Variants in RGS6 observed in about 807,000 individuals in gnomAD.
RGS6 encodes the protein regulator of G protein signaling 6, also known as regulator of G-protein signaling 6.
RGS6 carries 30 observed loss-of-function variants against 78.5 expected under a neutral mutation model. The ratio of observed to expected loss-of-function variants is 0.38; its 90% confidence interval spans 0.29 to 0.52. RGS6 has a LOEUF of 0.52. Ranked by LOEUF, RGS6 falls within the 20% of genes least tolerant of loss-of-function variation. The pLI is 0.85. For missense variants in RGS6, 495 were observed against 609.7 expected (o/e 0.81, Z 1.98); for synonymous variants, 206 against 206.0 (o/e 1.00, Z 0.00).
intron 2 of RGS6, chr14:71,990,465 T>C (rs2094907083): frequency 2.6e-6 from 1 of 378,016 alleles, no homozygotes. Context: ...CTTTGGGACA[T>C]GGGAATATGT....
At position 71,982,066 on chromosome 14, in the gene RGS6, C is replaced by T. The variant is rs564130002; in HGVS notation, c.84+17191C>T. Among the ~76,000 whole-genome samples the T allele has an allele frequency of 1.6e-3, 251 of 152,382 alleles. 1 individual carries two copies. Among genetic ancestry groups the T allele is most frequent in the South Asian group, 7.2e-3 (35 of 4,830 alleles). On this transcript the variant is annotated intron_variant, in intron 2 of 17. Coordinates refer to ENST00000553525, the MANE Select transcript of RGS6 (RefSeq NM_001204424.2). Reference sequence around the variant, plus strand: ...CCGATTTTCCAGGTGCCCTCCGTCACCCCTTTCTTTGACTAGGAAAGGGAA... The same window carrying T: ...CCGATTTTCCAGGTGCCCTCCGTCATCCCTTTCTTTGACTAGGAAAGGGAA...
chr14:71,995,852 T>C (rs113706720), intron 2 of RGS6, among the ~76,000 whole-genome samples: 8 of 152,176 alleles, frequency 5.3e-5, no homozygotes, highest in African/African-American at 1.9e-4. Flanking sequence ...TTTATACACA[T>C]AGATTCAGGG....
At chr14:72,171,161 C>T (rs971206765) in intron 2 of RGS6, among the ~76,000 whole-genome samples, 4 of 151,676 alleles carry the variant, frequency 2.6e-5, no homozygotes, top group Admixed American at 2.6e-4. Context: ...CATACATGCA[C>T]ACGTGCTGAG....
intron 3 of RGS6, among the ~76,000 whole-genome samples, chr14:72,448,064 T>C (rs75729730): frequency 0.021 from 3,264 of 152,228 alleles, 111 homozygotes; most frequent in African/African-American, 0.074. Flanking sequence ...GAACCAGGCA[T>C]TGTGAAGAGA....
chr14:72,453,657 A>G (rs1301183003), intron 3 of RGS6, among the ~76,000 whole-genome samples: 1 of 148,026 alleles, frequency 6.8e-6, no homozygotes, highest in East Asian at 2.0e-4. Context: ...TCAGACTCTT[A>G]AGATTTATAT....
At chr14:72,100,104 AAG>A (rs1409889294) in intron 2 of RGS6, among the ~76,000 whole-genome samples, 2 of 152,078 alleles carry the variant, frequency 1.3e-5, no homozygotes, top group East Asian at 1.9e-4. Context: ...AGGGACGGTG[AAG>A]AGAGGGGTAG....
At chr14:72,236,778 C>T (rs1173186238) in intron 2 of RGS6, among the ~76,000 whole-genome samples, 1 of 152,054 alleles carries the variant, frequency 6.6e-6, no homozygotes, top group Non-Finnish European at 1.5e-5. Flanking sequence ...AGAGGCACTC[C>T]TCACTTCCCA....
the RGS6 span, among the ~76,000 whole-genome samples, chr14:71,888,835 A>AT: frequency 1.3e-5 from 2 of 152,212 alleles, no homozygotes; most frequent in African/African-American, 2.4e-5. Flanking sequence ...GGAGCTAAAA[A>AT]ATATATCCTT....
the RGS6 span, among the ~76,000 whole-genome samples, chr14:72,610,543 T>C: frequency 6.6e-6 from 1 of 152,210 alleles, no homozygotes; most frequent in Non-Finnish European, 1.5e-5. Flanking sequence ...GTCAGAGAAA[T>C]TGAGCTTACA....
At chr14:72,314,325 T>G (rs2069466363) in intron 2 of RGS6, among the ~76,000 whole-genome samples, 2 of 152,194 alleles carry the variant, frequency 1.3e-5, no homozygotes, top group Non-Finnish European at 2.9e-5. Context: ...AGATGGCTGC[T>G]GTGGGTCCAG....
upstream of RGS6, among the ~76,000 whole-genome samples, chr14:71,931,065 C>T (rs1453288429): frequency 6.9e-6 from 1 of 145,500 alleles, no homozygotes; most frequent in Non-Finnish European, 1.5e-5. Flanking sequence ...CCTTTCGCTC[C>T]ATGTACAGCC....
chr14:72,113,903 G>A (rs2095829667), intron 2 of RGS6, among the ~76,000 whole-genome samples: 2 of 152,268 alleles, frequency 1.3e-5, no homozygotes, highest in Middle Eastern at 3.4e-3. Flanking sequence ...AAGAACTGGG[G>A]ACAATAATGC....
chr14:72,227,652 G>A lies in RGS6; in HGVS notation c.85-124443G>A, dbSNP rs985159436. On this transcript the variant is annotated intron_variant, in intron 2 of 17. Transcript: ENST00000553525. Reference sequence around the variant, plus strand: ...TTTTAAAGAAGGGAGCATTTTAGTTGGTATGTTCTTGTTTAGCATATTTTA... The same window carrying A: ...TTTTAAAGAAGGGAGCATTTTAGTTAGTATGTTCTTGTTTAGCATATTTTA... Among the ~76,000 whole-genome samples the A allele has an allele frequency of 5.9e-5, 9 of 152,110 alleles. No individual in the cohort carries two copies. The East Asian group carries it at 1.7e-3, about 29-fold the overall frequency.
At chr14:72,224,301 T>C (rs544768198) in intron 2 of RGS6, among the ~76,000 whole-genome samples, 3 of 151,940 alleles carry the variant, frequency 2.0e-5, no homozygotes, top group Non-Finnish European at 2.9e-5. Flanking sequence ...GCACCCAGTC[T>C]CAGCTACTCA....
At chr14:71,974,059 T>C in intron 2 of RGS6, among the ~76,000 whole-genome samples, 1 of 152,174 alleles carries the variant, frequency 6.6e-6, no homozygotes, top group East Asian at 1.9e-4. Context: ...TTTCTCCCCC[T>C]CATTTCATTT....
rs571454379 is a variant in RGS6 at position 72,502,939 on chromosome 14, C to T, written c.966-7215C>T. Among the ~76,000 whole-genome samples the T allele has an allele frequency of 2.4e-4, 37 of 152,246 alleles. No individual in the cohort carries two copies. In the East Asian group the frequency reaches 3.5e-3, roughly 14 times the overall value. On this transcript the variant is annotated intron_variant, in intron 13 of 17. Transcript: ENST00000553525. ...TTCTTTTTAAGGAATTGCCTTATTT[C>T]GTAATTTTTCTAATAACTTGTCTTA...
chr14:72,081,851 C>A (rs959149158), intron 2 of RGS6, among the ~76,000 whole-genome samples: 4 of 151,962 alleles, frequency 2.6e-5, no homozygotes, highest in South Asian at 2.1e-4. Context: ...TACTTCTTCT[C>A]GTAATTTTTT....
At chr14:72,550,681 C>A in intron 17 of RGS6, 2 of 1,457,290 alleles carry the variant, frequency 1.4e-6, no homozygotes, top group South Asian at 1.4e-5. Flanking sequence ...CAATCACTAG[C>A]CTTTGTGAGT....
upstream of RGS6, among the ~76,000 whole-genome samples, chr14:71,928,934 A>G (rs978154578): frequency 1.3e-5 from 2 of 152,206 alleles, no homozygotes; most frequent in African/African-American, 4.8e-5. Flanking sequence ...AGGGAAGACA[A>G]TTTTTTTAAT....
Sources: allele counts gnomAD v4.1 joint callset (sites outside exome capture counted in the v4.1 genomes callset), GRCh38; gene constraint gnomAD v4.1.1; transcripts MANE v1.5; gene names NCBI Gene and HGNC (gene_info 2026-07-23, HGNC 2026-07-21).